The following TNFSF4 variants were observed in gnomAD, a reference collection of about 807,000 sequenced individuals.
The protein encoded by TNFSF4 is TNF superfamily member 4.
A neutral mutation model predicts 7.3 loss-of-function variants in TNFSF4; 4 were observed. The ratio of observed to expected loss-of-function variants is 0.55; its 90% CI spans 0.27 to 1.25. The LOEUF (loss-of-function observed/expected upper bound fraction) is 1.25. Among genes scored for constraint, TNFSF4 ranks in the 50% most tolerant of loss-of-function variants. The pLI, the probability that TNFSF4 is intolerant of heterozygous loss-of-function variation, is 0.12. For synonymous variants in TNFSF4, 76 were observed against 83.7 expected, an observed-to-expected ratio of 0.91 and a Z score of 0.50; for missense variants, 181 against 208.8, an observed-to-expected ratio of 0.87 and a Z score of 0.82.
chr1:173,392,768 G>A, the TNFSF4 span, among the ~76,000 whole-genome samples: 10 of 152,148 alleles, frequency 6.6e-5, no homozygotes, highest in South Asian at 1.7e-3. Context: ...GATTAGCAAA[G>A]GTAGGAGGAA....
chr1:173,352,567 G>T, the TNFSF4 span, among the ~76,000 whole-genome samples: 2 of 152,162 alleles, frequency 1.3e-5, no homozygotes, highest in Non-Finnish European at 2.9e-5. Context: ...TACAAATAGG[G>T]TGTGGGTCAC....
At chr1:173,269,359 G>T in the TNFSF4 span, among the ~76,000 whole-genome samples, 1 of 152,060 alleles carries the variant, frequency 6.6e-6, no homozygotes, top group Non-Finnish European at 1.5e-5. Flanking sequence ...ACAGATAAGA[G>T]ATTCTTTCTT....
downstream of TNFSF4, among the ~76,000 whole-genome samples, chr1:173,179,701 T>C (rs1192833180): frequency 4.6e-5 from 7 of 152,224 alleles, no homozygotes. Context: ...TCTTTGATAT[T>C]CTCTAACTTA....
intron 1 of TNFSF4, among the ~76,000 whole-genome samples, chr1:173,198,961 T>G (rs2101994715): frequency 6.6e-6 from 1 of 152,280 alleles, no homozygotes; most frequent in Middle Eastern, 3.4e-3. Flanking sequence ...TCCTGTTAAT[T>G]AATGGCAGTG....
At chr1:173,243,801 TC>T in the TNFSF4 span, among the ~76,000 whole-genome samples, 1 of 152,182 alleles carries the variant, frequency 6.6e-6, no homozygotes, top group Non-Finnish European at 1.5e-5. Flanking sequence ...ATCCCTGTCT[TC>T]CCCATATCAT....
the TNFSF4 span, among the ~76,000 whole-genome samples, chr1:173,442,705 C>G: frequency 1.3e-5 from 2 of 151,954 alleles, no homozygotes; most frequent in Non-Finnish European, 2.9e-5. Flanking sequence ...CACCCGCCAC[C>G]ATGCCTGGCT....
At position 173,184,784 on chromosome 1, in the gene TNFSF4, G is replaced by A. The variant is rs1160375347; in HGVS notation, c.*1732C>T. The A allele has an allele frequency of 6.6e-6, 1 of 152,116 alleles. No homozygotes were observed. Among genetic ancestry groups the A allele is most frequent in the South Asian group, 2.1e-4 (1 of 4,816 alleles). The allele number at this position is 152,116 out of a possible 1,614,324, so 9.4% of individuals were successfully genotyped here. A position where few individuals can be genotyped will look rare whatever the true frequency, so the allele number is the denominator to read the frequency against. On this transcript the variant is annotated 3_prime_UTR_variant, in exon 3 of 3. Transcript: ENST00000281834. The stretch of plus-strand genomic sequence containing the variant: ...TATCATTGAATATCTGTCTCAGAAT[G>A]ATTCTTGTAAATGTAAGTATTTAGC...
the TNFSF4 span, among the ~76,000 whole-genome samples, chr1:173,433,769 G>A: frequency 6.6e-6 from 1 of 152,100 alleles, no homozygotes; most frequent in African/African-American, 2.4e-5. Context: ...AAGTTGTTAC[G>A]GGTTGAATTT....
chr1:173,443,772 T>G, the TNFSF4 span, among the ~76,000 whole-genome samples: 2 of 152,154 alleles, frequency 1.3e-5, no homozygotes, highest in Admixed American at 6.6e-5. Flanking sequence ...TCCACCAATA[T>G]CATAGTTACT....
chr1:173,404,877 C>G, the TNFSF4 span, among the ~76,000 whole-genome samples: 1 of 152,114 alleles, frequency 6.6e-6, no homozygotes, highest in Non-Finnish European at 1.5e-5. Context: ...AGTGGTCCAC[C>G]TGCCTGGGCC....
chr1:173,330,443 T>G, the TNFSF4 span, among the ~76,000 whole-genome samples: 1 of 152,080 alleles, frequency 6.6e-6, no homozygotes, highest in African/African-American at 2.4e-5. Context: ...TAATACCTAA[T>G]TTTATAAGTG....
the TNFSF4 span, among the ~76,000 whole-genome samples, chr1:173,176,511 C>T: frequency 6.6e-6 from 1 of 152,108 alleles, no homozygotes; most frequent in African/African-American, 2.4e-5. Flanking sequence ...AATGCTTATA[C>T]GCTGCTGGAG....
the TNFSF4 span, among the ~76,000 whole-genome samples, chr1:173,271,068 A>G: frequency 1.3e-5 from 2 of 152,166 alleles, no homozygotes; most frequent in African/African-American, 4.8e-5. Flanking sequence ...CTGAGATTCT[A>G]AAAATTTTCT....
At chr1:173,235,930 G>A in the TNFSF4 span, among the ~76,000 whole-genome samples, 1 of 151,828 alleles carries the variant, frequency 6.6e-6, no homozygotes, top group Admixed American at 6.6e-5. Context: ...TATTTTATTT[G>A]TTAAAATCAT....
At chr1:173,420,673 G>T in the TNFSF4 span, among the ~76,000 whole-genome samples, 1 of 152,058 alleles carries the variant, frequency 6.6e-6, no homozygotes, top group African/African-American at 2.4e-5. Flanking sequence ...ACCACAAACT[G>T]GTCAACTTAG....
chr1:173,242,229 T>A, the TNFSF4 span, among the ~76,000 whole-genome samples: 2 of 152,124 alleles, frequency 1.3e-5, no homozygotes, highest in African/African-American at 2.4e-5. Flanking sequence ...AAATACTCAC[T>A]CTCCTTTTAA....
chr1:173,420,306 A>C, the TNFSF4 span, among the ~76,000 whole-genome samples: 1 of 152,112 alleles, frequency 6.6e-6, no homozygotes, highest in Admixed American at 6.5e-5. Flanking sequence ...ACCAAGGAGG[A>C]AGGCATGGAC....
chr1:173,196,934 T>C (rs10912562), intron 1 of TNFSF4, among the ~76,000 whole-genome samples: 41 of 152,310 alleles, frequency 2.7e-4, no homozygotes, highest in African/African-American at 9.1e-4. Flanking sequence ...ACTGGAAGGG[T>C]AGGTTTACAA....
the TNFSF4 span, among the ~76,000 whole-genome samples, chr1:173,260,344 C>A: frequency 5.9e-5 from 9 of 152,064 alleles, no homozygotes; most frequent in African/African-American, 1.7e-4. Flanking sequence ...AAAGGAAGCA[C>A]CAAATATGGA....
Sources: allele counts gnomAD v4.1 joint callset (sites outside exome capture counted in the v4.1 genomes callset), GRCh38; gene constraint gnomAD v4.1.1; transcripts MANE v1.5; gene names NCBI Gene and HGNC (gene_info 2026-07-23, HGNC 2026-07-21).